The following UBE2B variants were observed in gnomAD, a reference collection of about 807,000 sequenced individuals.
UBE2B encodes the protein ubiquitin conjugating enzyme E2 B, also known as ubiquitin-conjugating enzyme E2 B.
Under a neutral mutation model 24.6 loss-of-function variants are expected in UBE2B, and 11 were observed. That is an observed-to-expected ratio of 0.45 (90% confidence interval 0.28 to 0.74). The LOEUF (loss-of-function observed/expected upper bound fraction) is 0.74, where lower values mean the gene tolerates loss of function less well. Ranked by LOEUF, UBE2B falls within the 30% of genes least tolerant of loss-of-function variation. UBE2B has a pLI of 0.13. For synonymous variants in UBE2B, 68 were observed against 62.4 expected (o/e 1.09, Z -0.42); for missense variants, 78 against 185.6 (o/e 0.42, Z 3.37).
At chr5:134,377,177 G>C (rs943766558) in intron 3 of UBE2B, among the ~76,000 whole-genome samples, 1 of 152,084 alleles carries the variant, frequency 6.6e-6, no homozygotes, top group South Asian at 2.1e-4. Flanking sequence ...TTTTCATCAG[G>C]GGCTAGGAAA....
chr5:134,380,596 C>G, intron 3 of UBE2B, 123 bp from the exon 4 acceptor site: 1 of 644,516 alleles, frequency 1.6e-6, no homozygotes, highest in South Asian at 1.7e-5. Flanking sequence ...TTTTGTATGC[C>G]GAACCAACGT....
At chr5:134,374,269 G>A (rs966862618) in intron 1 of UBE2B, 114 bp from the exon 2 acceptor site, 358 of 937,372 alleles carry the variant, frequency 3.8e-4, no homozygotes, top group South Asian at 1.0e-3. Context: ...CAATAACAAG[G>A]AAATGGAGTT....
Position 134,389,896 on chromosome 5 carries a change from G to C in UBE2B, c.331-329G>C, listed in dbSNP as rs927334992. On this transcript the variant is annotated intron_variant, in intron 5 of 5. Coordinates refer to ENST00000265339, the MANE Select transcript of UBE2B (RefSeq NM_003337.4). Reference sequence around the variant, plus strand: ...GGGTCTCCCTATGTTGCCCAGGCTGGGCTTGAACTGCTGGGCTCAAGGGAT... The same window carrying C: ...GGGTCTCCCTATGTTGCCCAGGCTGCGCTTGAACTGCTGGGCTCAAGGGAT... 1.4e-5 allele frequency: 5 copies of C among 349,132 alleles called. No individual in the cohort carries two copies. In the Admixed American group the frequency reaches 2.1e-4, roughly 14 times the overall value. 21.6% of individuals were successfully genotyped at this position (349,132 alleles called of 1,614,324 possible). A position where few individuals can be genotyped will look rare whatever the true frequency, so the allele number is the denominator to read the frequency against.
intron 4 of UBE2B, among the ~76,000 whole-genome samples, chr5:134,383,473 CTTTTTTTTT>C (rs747399191): frequency 1.2e-5 from 1 of 80,032 alleles, no homozygotes; most frequent in East Asian, 3.7e-4. Flanking sequence ...CCATACCCAG[CTTTTTTTTT>C]TTTTTTTTTT....
Position 134,390,766 on chromosome 5 carries a change from T to G in UBE2B, c.*413T>G, listed in dbSNP as rs1758885607. On this transcript the variant is annotated 3_prime_UTR_variant, in exon 6 of 6. Transcript: ENST00000265339. This position sits in a 1 kb window ranked among gnomAD's most constrained non-coding sequence, Gnocchi z 4.6. Reference sequence around the variant, plus strand: ...TTACATGTAAAGCTGTTAAAATACATAACTTCAGTGCAAGAGACTTTGTCA... The same window carrying G: ...TTACATGTAAAGCTGTTAAAATACAGAACTTCAGTGCAAGAGACTTTGTCA... 4.5e-6 allele frequency: 1 copy of G among 222,056 alleles called. No individual in the cohort carries two copies. Among genetic ancestry groups the G allele is most frequent in the African/African-American group, 2.4e-5 (1 of 42,258 alleles). The allele number at this position is 222,056 out of a possible 1,614,324, so 13.8% of individuals were successfully genotyped here.
At chr5:134,388,185 C>A in intron 4 of UBE2B, 140 bp from the exon 5 acceptor site, 1 of 683,482 alleles carries the variant, frequency 1.5e-6, no homozygotes, top group Non-Finnish European at 2.6e-6. Context: ...AGTTTTAAGA[C>A]AGGTTATCCT....
At chr5:134,384,513 T>TA (rs1409477001) in intron 4 of UBE2B, among the ~76,000 whole-genome samples, 2 of 152,192 alleles carry the variant, frequency 1.3e-5, no homozygotes, top group Middle Eastern at 3.2e-3. Flanking sequence ...GGTCTTTAAA[T>TA]AAAGGTGGGA....
chr5:134,375,819 A>AAC (rs1288374509), intron 2 of UBE2B, among the ~76,000 whole-genome samples: 1 of 149,344 alleles, frequency 6.7e-6, no homozygotes, highest in African/African-American at 2.5e-5. Context: ...AAAAAAAAAA[A>AAC]AAAAAAACTT....
At chr5:134,386,990 C>T (rs991253534) in intron 4 of UBE2B, among the ~76,000 whole-genome samples, 5 of 148,336 alleles carry the variant, frequency 3.4e-5, no homozygotes, top group Admixed American at 6.8e-5. Flanking sequence ...GATAGAGTCT[C>T]GCTCTGTCGC....
intron 2 of UBE2B, among the ~76,000 whole-genome samples, chr5:134,375,146 T>A (rs1316727732): frequency 1.3e-5 from 2 of 152,218 alleles, no homozygotes; most frequent in African/African-American, 4.8e-5. Flanking sequence ...GTTGGAGCTG[T>A]TAAAAGGTTT....
chr5:134,384,608 C>G (rs894231488), intron 4 of UBE2B, among the ~76,000 whole-genome samples: 4 of 152,164 alleles, frequency 2.6e-5, no homozygotes, highest in African/African-American at 9.7e-5. Flanking sequence ...TTGGTTTTCA[C>G]ATCTCTTCAT....
chr5:134,382,817 G>GT (rs922060941), intron 4 of UBE2B, among the ~76,000 whole-genome samples: 27 of 151,476 alleles, frequency 1.8e-4, no homozygotes, highest in African/African-American at 3.6e-4. Flanking sequence ...AAAATAAGGT[G>GT]TTTTTTTTGG....
intron 5 of UBE2B, chr5:134,388,970 G>C: frequency 9.8e-6 from 1 of 102,424 alleles, no homozygotes; most frequent in Non-Finnish European, 1.8e-5. Context: ...TTTTTTTTTT[G>C]AGACAGTGTC....
At chr5:134,375,302 T>G (rs1246047788) in intron 2 of UBE2B, among the ~76,000 whole-genome samples, 7 of 152,208 alleles carry the variant, frequency 4.6e-5, no homozygotes, top group African/African-American at 9.6e-5. Context: ...GCTTTTTAAT[T>G]TAAAATTTCC....
intron 3 of UBE2B, among the ~76,000 whole-genome samples, chr5:134,378,465 G>A (rs764766510): frequency 3.9e-5 from 6 of 152,134 alleles, no homozygotes; most frequent in Non-Finnish European, 4.4e-5. Context: ...TCACCATGTT[G>A]GCCAGGCTGG....
intron 4 of UBE2B, among the ~76,000 whole-genome samples, chr5:134,384,642 A>G (rs1581324968): frequency 6.6e-6 from 1 of 152,124 alleles, no homozygotes; most frequent in East Asian, 1.9e-4. Flanking sequence ...TTTCCCTTTT[A>G]TTCTGCTGAG....
At chr5:134,378,176 A>C (rs1415102223) in intron 3 of UBE2B, among the ~76,000 whole-genome samples, 1 of 152,158 alleles carries the variant, frequency 6.6e-6, no homozygotes, top group Non-Finnish European at 1.5e-5. Flanking sequence ...TCTTTAAAAA[A>C]GTTACCAATT....
chr5:134,390,200 T>C lies in UBE2B; in HGVS notation c.331-25T>C. 1 of 1,613,538 alleles carries C rather than the reference T, an allele frequency of 6.2e-7. No individual in the cohort carries two copies. The highest frequency in any genetic ancestry group is 8.5e-7 in the Non-Finnish European group (1 of 1,179,876). On this transcript the variant is annotated intron_variant, in intron 5 of 5. Coordinates refer to ENST00000265339, the MANE Select transcript of UBE2B (RefSeq NM_003337.4). This position sits in a 1 kb window ranked among gnomAD's most constrained non-coding sequence, Gnocchi z 4.6. ...GGTATAAAGAACAACTATGCAAATCTGTTTTTTCTTTTCTTTCCTCCTAGT... is the reference window on the plus strand; with the variant it reads ...GGTATAAAGAACAACTATGCAAATCCGTTTTTTCTTTTCTTTCCTCCTAGT...
intron 4 of UBE2B, among the ~76,000 whole-genome samples, chr5:134,383,650 G>A (rs1237306524): frequency 2.6e-5 from 4 of 151,554 alleles, no homozygotes; most frequent in African/African-American, 9.7e-5. Context: ...TAGTAGAGAC[G>A]GGGTTTCACC....
Sources: allele counts gnomAD v4.1 joint callset (sites outside exome capture counted in the v4.1 genomes callset), GRCh38; gene constraint gnomAD v4.1.1; non-coding constraint Gnocchi (gnomAD v3.1); transcripts MANE v1.5; gene names NCBI Gene and HGNC (gene_info 2026-07-23, HGNC 2026-07-21).